The following CCDC12 variants were observed in gnomAD, a reference collection of about 807,000 sequenced individuals.
The protein encoded by CCDC12 is coiled-coil domain containing 12.
In CCDC12, 28 loss-of-function variants were observed where a neutral mutation model predicts 25.7. That is an observed-to-expected ratio of 1.09 (90% CI 0.81 to 1.50). The LOEUF (loss-of-function observed/expected upper bound fraction) is 1.50, where lower values mean the gene tolerates loss of function less well. Ranked by LOEUF, CCDC12 falls within the 40% of genes most tolerant of loss-of-function variation. The probability of loss-of-function intolerance (pLI) is 0.00; values close to 1 mark genes in which losing one functional copy is unlikely to be tolerated. For missense variants in CCDC12, 198 were observed against 210.0 expected (o/e 0.94, Z 0.35); for synonymous variants, 75 against 87.7 (o/e 0.86, Z 0.81).
At chr3:46,948,364 C>T (rs1367252993) in intron 1 of CCDC12, among the ~76,000 whole-genome samples, 3 of 152,240 alleles carry the variant, frequency 2.0e-5, no homozygotes, top group East Asian at 1.9e-4. Flanking sequence ...GGGAGAACAG[C>T]GAGGCTAGAG....
rs1163093348 is a variant in CCDC12, at chr3:46,939,140, C to CAGT, written c.164+1855_164+1857dup. Among the ~76,000 whole-genome samples the CAGT allele has an allele frequency of 2.6e-5, 4 of 152,296 alleles. No homozygotes were observed. The East Asian group carries it at 7.7e-4, about 29-fold the overall frequency. ...GCACAGAGCAGACAACCAATAAAGTCAGTACTTGCCAACTGAGTAACACAC... is the reference window on the plus strand; with the variant it reads ...GCACAGAGCAGACAACCAATAAAGTCAGTAGTACTTGCCAACTGAGTAACACAC... On this transcript the variant is annotated intron_variant, in intron 2 of 6. Transcript: ENST00000683445.
intron 2 of CCDC12, 138 bp downstream of exon 2, chr3:46,940,860 T>G (rs1575546400): frequency 1.3e-6 from 1 of 782,656 alleles, no homozygotes. Flanking sequence ...TTTTAAGGTC[T>G]GAACAGGACA....
intron 1 of CCDC12, among the ~76,000 whole-genome samples, chr3:46,963,621 G>A (rs1385201546): frequency 6.6e-6 from 1 of 152,238 alleles, no homozygotes; most frequent in African/African-American, 2.4e-5. Flanking sequence ...ACACCTGACT[G>A]GTTTTCGTAT....
At chr3:46,942,249 G>C (rs1411112193) in intron 1 of CCDC12, among the ~76,000 whole-genome samples, 1 of 152,262 alleles carries the variant, frequency 6.6e-6, no homozygotes, top group Non-Finnish European at 1.5e-5. Flanking sequence ...AAATTCGTGT[G>C]ACCACACCTG....
intron 2 of CCDC12, among the ~76,000 whole-genome samples, chr3:46,938,538 T>TC (rs1206732202): frequency 2.0e-5 from 3 of 148,514 alleles, no homozygotes; most frequent in Non-Finnish European, 4.5e-5. Flanking sequence ...TTTTTTTTTT[T>TC]TTTTTGGTAC....
In CCDC12 at chr3:46,922,121, T is replaced by C; in HGVS notation, c.437A>G (p.Gln146Arg). 2 of 1,614,268 alleles carry C rather than the reference T, an allele frequency of 1.2e-6. No homozygotes were observed. The highest frequency in any genetic ancestry group is 1.7e-6 in the Non-Finnish European group (2 of 1,180,040). Residue 146 changes from glutamine to arginine, a missense_variant, in exon 7 of 7, where the codon CAG becomes CGG. Transcript: ENST00000683445. ...AELIRERLKGQEDSLASAVDA... is the reference protein window; with the variant it reads ...AELIRERLKGREDSLASAVDA... Reference sequence around the variant, plus strand: ...CACTGCAGAGGCTAGGCTGTCTTCCTGGCCTTTCAGCCTTTCACCTGGGAT... The same window carrying C: ...CACTGCAGAGGCTAGGCTGTCTTCCCGGCCTTTCAGCCTTTCACCTGGGAT...
chr3:46,936,644 G>A (rs1467042377), intron 2 of CCDC12, among the ~76,000 whole-genome samples: 1 of 152,086 alleles, frequency 6.6e-6, no homozygotes, highest in Admixed American at 6.5e-5. Context: ...ATCTGTCTAT[G>A]TCCTTTCATT....
chr3:46,927,432 A>C (rs539248202), intron 2 of CCDC12, among the ~76,000 whole-genome samples: 4 of 152,222 alleles, frequency 2.6e-5, no homozygotes, highest in Admixed American at 1.3e-4. Flanking sequence ...TCTGTGAGAA[A>C]TCAGAAGGAG....
intron 1 of CCDC12, among the ~76,000 whole-genome samples, chr3:46,960,742 T>C (rs1365817739): frequency 2.0e-5 from 3 of 152,200 alleles, no homozygotes; most frequent in African/African-American, 7.2e-5. Context: ...GGGCCAGGCA[T>C]GACTGAGCCT....
At chr3:46,930,258 C>T (rs1043586335) in intron 2 of CCDC12, among the ~76,000 whole-genome samples, 5 of 152,102 alleles carry the variant, frequency 3.3e-5, no homozygotes, top group South Asian at 2.1e-4. Context: ...AAACAACCAA[C>T]GAAGTACTCA....
At chr3:46,980,408 A>G (rs540041360), upstream of CCDC12, among the ~76,000 whole-genome samples, 5 of 152,000 alleles carry the variant, frequency 3.3e-5, no homozygotes, top group African/African-American at 1.2e-4. Flanking sequence ...TGGAAGGGGA[A>G]TGCTCCCACT....
At chr3:46,929,625 T>A (rs546385210) in intron 2 of CCDC12, among the ~76,000 whole-genome samples, 2 of 152,162 alleles carry the variant, frequency 1.3e-5, no homozygotes, top group Non-Finnish European at 2.9e-5. Flanking sequence ...CATTTTAGAA[T>A]GAGGAAGTTG....
rs2032717795 is a variant in CCDC12, at chr3:46,922,322, G to A, written c.342-10C>T. On this transcript the variant is annotated splice_polypyrimidine_tract_variant and intron_variant, in intron 5 of 6. Coordinates refer to ENST00000683445, the MANE Select transcript of CCDC12 (RefSeq NM_001277074.2). ...ATCTCTCTTGAGGTCCCTGGAGCAG[G>A]GAGGCAGGGAGAAGCAGGAAGGTGA... 1.2e-6 allele frequency: 2 copies of A among 1,614,056 alleles called. No homozygotes were observed. Among genetic ancestry groups the A allele is most frequent in the African/African-American group, 2.7e-5 (2 of 74,954 alleles).
upstream of CCDC12, chr3:46,976,865 GT>G: frequency 7.0e-7 from 1 of 1,427,658 alleles, no homozygotes; most frequent in Non-Finnish European, 9.3e-7. Flanking sequence ...TCAATGCGGG[GT>G]TATTATGGGC....
At chr3:46,965,575 C>T (rs768464806) in intron 1 of CCDC12, among the ~76,000 whole-genome samples, 63 of 152,304 alleles carry the variant, frequency 4.1e-4, no homozygotes, top group Non-Finnish European at 8.4e-4. Flanking sequence ...CCAAACTGAA[C>T]GGGGTCCCAT....
chr3:46,945,444 C>T (rs1446667080), intron 1 of CCDC12, among the ~76,000 whole-genome samples: 1 of 152,258 alleles, frequency 6.6e-6, no homozygotes, highest in African/African-American at 2.4e-5. Flanking sequence ...CTCACCTCCT[C>T]CCAGAGCCTT....
intron 1 of CCDC12, among the ~76,000 whole-genome samples, chr3:46,945,249 A>T (rs1462718687): frequency 6.6e-6 from 1 of 152,216 alleles, no homozygotes; most frequent in Non-Finnish European, 1.5e-5. Context: ...AAATGCTACC[A>T]ATTTAACTGC....
chr3:46,946,507 A>G (rs1397195710), intron 1 of CCDC12, among the ~76,000 whole-genome samples: 2 of 152,246 alleles, frequency 1.3e-5, no homozygotes, highest in African/African-American at 4.8e-5. Context: ...GCGGAGCAAG[A>G]GCACTGTCAC....
chr3:46,923,013 A>G (rs1269700326), intron 5 of CCDC12: 9 of 285,750 alleles, frequency 3.1e-5, no homozygotes, highest in Non-Finnish European at 5.8e-5. Context: ...CCTTCCCTCC[A>G]CTCCTGGCCC....
Sources: gnomAD v4.1 joint callset for allele counts (sites outside exome capture counted in the v4.1 genomes callset) on GRCh38, gnomAD v4.1.1 for gene constraint, MANE v1.5 for transcripts, NCBI Gene and HGNC (gene_info 2026-07-23, HGNC 2026-07-21) for gene names.